CYB5A: variants seen among roughly 807,000 people sequenced by gnomAD.
The protein encoded by CYB5A is cytochrome b5 type A.
Under a neutral mutation model 16.2 loss-of-function variants are expected in CYB5A, and 10 were observed. That is an observed-to-expected ratio of 0.62 (90% CI 0.38 to 1.04). The LOEUF is 1.04. CYB5A is among the 50% of genes least tolerant of loss of function. The pLI, the probability that CYB5A is intolerant of heterozygous loss-of-function variation, is 0.01. For synonymous variants in CYB5A, 62 were observed against 57.0 expected, an observed-to-expected ratio of 1.09 and a Z score of -0.40; for missense variants, 161 against 165.9, an observed-to-expected ratio of 0.97 and a Z score of 0.16.
At chr18:74,277,191 C>T (rs568502360) in intron 1 of CYB5A, among the ~76,000 whole-genome samples, 237 of 152,304 alleles carry the variant, frequency 1.6e-3, no homozygotes, top group South Asian at 8.5e-3. Flanking sequence ...ACAAGATGCC[C>T]TGACCAAACA....
chr18:74,291,669 C>A (rs2145094244), intron 1 of CYB5A, 78 bp downstream of exon 1: 1 of 1,603,906 alleles, frequency 6.2e-7, no homozygotes, highest in Non-Finnish European at 8.5e-7. Context: ...CTCCGGGCCG[C>A]GAAAGACAGG....
intron 1 of CYB5A, among the ~76,000 whole-genome samples, chr18:74,282,951 C>A (rs1983176193): frequency 6.6e-6 from 1 of 152,152 alleles, no homozygotes; most frequent in African/African-American, 2.4e-5. Flanking sequence ...CTAGAAATCA[C>A]ACTTTTCAAT....
intron 1 of CYB5A, among the ~76,000 whole-genome samples, chr18:74,268,524 C>T (rs1003671737): frequency 2.6e-5 from 4 of 151,902 alleles, no homozygotes; most frequent in Non-Finnish European, 4.4e-5. Context: ...GGGGAGGTAA[C>T]GCGATCAGAT....
intron 3 of CYB5A, chr18:74,256,129 A>G (rs1226271898): frequency 4.8e-6 from 1 of 210,266 alleles, no homozygotes; most frequent in Non-Finnish European, 9.5e-6. Flanking sequence ...ACCTTTAGAA[A>G]AAGCAGTTTA....
chr18:74,271,301 G>A (rs17089028), intron 1 of CYB5A, among the ~76,000 whole-genome samples: 15,324 of 152,198 alleles, frequency 0.1, 1,012 homozygotes, highest in Admixed American at 0.17. Flanking sequence ...AGACAGCCTC[G>A]TAGTTCTGAC....
intron 1 of CYB5A, among the ~76,000 whole-genome samples, chr18:74,282,625 C>A (rs1454128385): frequency 6.6e-6 from 1 of 152,170 alleles, no homozygotes; most frequent in African/African-American, 2.4e-5. Context: ...GGATGGGACA[C>A]CATGCTGAGA....
rs898818685 is a variant in CYB5A at position 74,253,299 on chromosome 18, T to A, written c.*285A>T. On this transcript the variant is annotated 3_prime_UTR_variant, in exon 5 of 5. Transcript: ENST00000340533. Reference sequence around the variant, plus strand: ...CCAAACAGGCAAACACGGTGCATACTTTAAAAGCCAAATATATTTTTAAAA... The same window carrying A: ...CCAAACAGGCAAACACGGTGCATACATTAAAAGCCAAATATATTTTTAAAA... 1.1e-5 allele frequency: 4 copies of A among 365,312 alleles called. No individual in the cohort carries two copies. The Admixed American group carries it at 1.6e-4, about 14-fold the overall frequency. 22.6% of individuals were successfully genotyped at this position (365,312 alleles called of 1,614,324 possible).
At chr18:74,262,251 C>T (rs907638194) in intron 2 of CYB5A, among the ~76,000 whole-genome samples, 7 of 152,106 alleles carry the variant, frequency 4.6e-5, no homozygotes, top group African/African-American at 1.7e-4. Flanking sequence ...GTCAGGAGTA[C>T]AAGGCCAACC....
intron 1 of CYB5A, among the ~76,000 whole-genome samples, chr18:74,284,232 CCAAA>C (rs1357597879): frequency 1.0e-4 from 10 of 100,228 alleles, no homozygotes; most frequent in African/African-American, 3.3e-4. Flanking sequence ...AACTCCATCT[CCAAA>C]AAAAAAAAAA....
At chr18:74,286,897 C>A (rs546494324) in intron 1 of CYB5A, among the ~76,000 whole-genome samples, 11 of 152,330 alleles carry the variant, frequency 7.2e-5, no homozygotes, top group Admixed American at 4.6e-4. Flanking sequence ...AATCAAAAAG[C>A]AAAAGTTAAT....
intron 4 of CYB5A, among the ~76,000 whole-genome samples, chr18:74,253,930 G>A (rs1981863959): frequency 6.6e-6 from 1 of 152,220 alleles, no homozygotes; most frequent in Non-Finnish European, 1.5e-5. Flanking sequence ...TGTAATCCCA[G>A]CACTTTGGGA....
chr18:74,263,345 T>G lies in CYB5A; in HGVS notation c.258+4A>C. The stretch of plus-strand genomic sequence containing the variant: ...ATAAGAAAGGGCCCCCAAAATGTAC[T>G]TACTGGATGGAGCTCCCCAATGATG... On this transcript the variant is annotated splice_donor_region_variant and intron_variant, in intron 2 of 4. Coordinates refer to ENST00000340533, the MANE Select transcript of CYB5A (RefSeq NM_148923.4). The G allele has an allele frequency of 6.2e-7, 1 of 1,613,852 alleles. No homozygotes were observed. The highest frequency in any genetic ancestry group is 8.5e-7 in the Non-Finnish European group (1 of 1,179,844).
At chr18:74,283,207 C>G (rs890408048) in intron 1 of CYB5A, among the ~76,000 whole-genome samples, 1 of 152,144 alleles carries the variant, frequency 6.6e-6, no homozygotes, top group Non-Finnish European at 1.5e-5. Flanking sequence ...GAGAGATGAG[C>G]GGGACCCACT....
At chr18:74,267,200 A>AG (rs2145054746) in intron 1 of CYB5A, among the ~76,000 whole-genome samples, 1 of 151,888 alleles carries the variant, frequency 6.6e-6, no homozygotes, top group South Asian at 2.1e-4. Context: ...TGTGTCACCC[A>AG]GGCTGGAGTG....
intron 3 of CYB5A, chr18:74,259,776 C>T (rs1364523448): frequency 1.3e-5 from 2 of 152,234 alleles, no homozygotes; most frequent in Non-Finnish European, 2.9e-5. Flanking sequence ...AGAATTTCAG[C>T]TGTCCAAAAA....
rs1376955650 is a variant in CYB5A at position 74,291,963 on chromosome 18, C to T, written c.-88G>A. The T allele has an allele frequency of 6.3e-7, 1 of 1,594,078 alleles. No homozygotes were observed. Among genetic ancestry groups the T allele is most frequent in the Non-Finnish European group, 8.5e-7 (1 of 1,175,154 alleles). ...CTCAGCCAGCTCCACCCGGGACATTCCCCGCGCCGGGAACCCCACTGGGGG... is the reference window on the plus strand; with the variant it reads ...CTCAGCCAGCTCCACCCGGGACATTTCCCGCGCCGGGAACCCCACTGGGGG... On this transcript the variant is annotated 5_prime_UTR_variant, in exon 1 of 5. Transcript: ENST00000340533.
intron 1 of CYB5A, among the ~76,000 whole-genome samples, chr18:74,274,292 G>A (rs189297727): frequency 2.9e-4 from 44 of 152,294 alleles, no homozygotes; most frequent in African/African-American, 9.4e-4. Context: ...TTTTTAGAAT[G>A]AGGCCAAAGA....
intron 1 of CYB5A, 133 bp downstream of exon 1, chr18:74,291,614 C>T: frequency 7.4e-7 from 1 of 1,355,374 alleles, no homozygotes; most frequent in Non-Finnish European, 1.0e-6. Context: ...CGTACACGCG[C>T]AGGTGAGCGA....
Position 74,252,049 on chromosome 18 carries a change from T to C in CYB5A, c.*1535A>G, listed in dbSNP as rs1334890710. On this transcript the variant is annotated 3_prime_UTR_variant, in exon 5 of 5. Transcript: ENST00000340533. ...AACCAAAAATATTGAAATATTTACA[T>C]AGGTCCCTTAACAAGTGTTGTAATT... 1 of 152,218 alleles carries C rather than the reference T, an allele frequency of 6.6e-6. No homozygotes were observed. Among genetic ancestry groups the C allele is most frequent in the East Asian group, 1.9e-4 (1 of 5,204 alleles). The allele number at this position is 152,218 out of a possible 1,614,324, so 9.4% of individuals were successfully genotyped here.
Sources: gnomAD v4.1 joint callset for allele counts (sites outside exome capture counted in the v4.1 genomes callset) on GRCh38, gnomAD v4.1.1 for gene constraint, MANE v1.5 for transcripts, NCBI Gene and HGNC (gene_info 2026-07-23, HGNC 2026-07-21) for gene names.